Variants in RGS7 observed in about 807,000 individuals in gnomAD.
RGS7 encodes the protein regulator of G protein signaling 7.
RGS7 carries 27 observed loss-of-function variants against 81.1 expected under a neutral mutation model. The observed-to-expected ratio is 0.33, with a 90% CI of 0.25 to 0.46. The LOEUF (loss-of-function observed/expected upper bound fraction) is 0.46, where lower values mean the gene tolerates loss of function less well. Among genes scored for constraint, RGS7 ranks in the 20% least tolerant of loss-of-function variants. The pLI, the probability that RGS7 is intolerant of heterozygous loss-of-function variation, is 1.00. For missense variants in RGS7, 396 were observed against 607.4 expected (o/e 0.65, Z 3.66); for synonymous variants, 208 against 207.7 (o/e 1.00, Z -0.01).
chr1:241,149,410 A>G (rs138966121), intron 2 of RGS7, among the ~76,000 whole-genome samples: 1,725 of 151,710 alleles, frequency 0.011, 40 homozygotes, highest in East Asian at 0.06. Flanking sequence ...ACCCACCTTG[A>G]CCTCCCAAAG....
intron 6 of RGS7, among the ~76,000 whole-genome samples, chr1:240,891,129 A>C (rs777696638): frequency 5.3e-5 from 8 of 152,240 alleles, no homozygotes; most frequent in Non-Finnish European, 8.8e-5. Context: ...TTGAGTAACA[A>C]GTAAGTCATC....
chr1:240,949,288 C>G (rs1463544980), intron 4 of RGS7, among the ~76,000 whole-genome samples: 1 of 151,976 alleles, frequency 6.6e-6, no homozygotes, highest in East Asian at 1.9e-4. Context: ...ATTCTTTGCT[C>G]CATTATTTAC....
chr1:241,075,197 G>A (rs374488741), intron 3 of RGS7, among the ~76,000 whole-genome samples: 7 of 152,112 alleles, frequency 4.6e-5, no homozygotes, highest in Admixed American at 6.5e-5. Context: ...GGGAAAAGTC[G>A]AATATTAAAG....
At chr1:241,267,695 G>A (rs1277069929) in intron 2 of RGS7, among the ~76,000 whole-genome samples, 2 of 151,786 alleles carry the variant, frequency 1.3e-5, no homozygotes, top group African/African-American at 4.8e-5. Flanking sequence ...TTACTCTCCA[G>A]GCAATTTCAA....
intron 3 of RGS7, among the ~76,000 whole-genome samples, chr1:241,039,883 T>C (rs1025226816): frequency 6.6e-6 from 1 of 152,216 alleles, no homozygotes; most frequent in Non-Finnish European, 1.5e-5. Flanking sequence ...GGAAATTACA[T>C]GTTCAATAAA....
At chr1:240,897,684 C>G (rs1669318645) in intron 6 of RGS7, among the ~76,000 whole-genome samples, 1 of 152,064 alleles carries the variant, frequency 6.6e-6, no homozygotes, top group South Asian at 2.1e-4. Flanking sequence ...TTCGGTTTGC[C>G]CGTATTTTAT....
At chr1:241,252,049 C>CTT (rs571408259) in intron 2 of RGS7, among the ~76,000 whole-genome samples, 2 of 143,628 alleles carry the variant, frequency 1.4e-5, no homozygotes, top group African/African-American at 5.1e-5. Context: ...CTTTCTTTTT[C>CTT]TTTTTTTTTT....
At chr1:241,355,263 C>A (rs1049099930) in intron 2 of RGS7, among the ~76,000 whole-genome samples, 1 of 152,216 alleles carries the variant, frequency 6.6e-6, no homozygotes, top group Non-Finnish European at 1.5e-5. Flanking sequence ...TACACAGACA[C>A]AGTCTCTCTT....
chr1:240,855,231 C>T (rs893217222), intron 9 of RGS7, among the ~76,000 whole-genome samples: 2 of 144,180 alleles, frequency 1.4e-5, no homozygotes, highest in African/African-American at 5.2e-5. Flanking sequence ...TTTATTCACT[C>T]GTTTATTTAA....
chr1:241,221,491 T>C (rs1357562167), intron 2 of RGS7, among the ~76,000 whole-genome samples: 1 of 152,196 alleles, frequency 6.6e-6, no homozygotes, highest in Non-Finnish European at 1.5e-5. Context: ...AAATATCACA[T>C]CCAGAGCTGG....
At chr1:240,849,065 C>T (rs770342806) in intron 9 of RGS7, among the ~76,000 whole-genome samples, 10 of 152,216 alleles carry the variant, frequency 6.6e-5, no homozygotes, top group Admixed American at 1.3e-4. Context: ...GCCTCGCTAG[C>T]ATATTTCAAT....
intron 3 of RGS7, among the ~76,000 whole-genome samples, chr1:241,089,063 C>CTCTCTCTCTCTCTATATATATA (rs1374552672): frequency 2.1e-4 from 5 of 23,686 alleles, no homozygotes; most frequent in Admixed American, 4.9e-4. Context: ...CTCTCTCTCT[C>CTCTCTCTCTCTCTATATATATA]TATATATATA....
chr1:240,786,322 T>C (rs1228222916), intron 18 of RGS7, among the ~76,000 whole-genome samples: 2 of 152,342 alleles, frequency 1.3e-5, no homozygotes, highest in Non-Finnish European at 2.9e-5. Flanking sequence ...CATGGTACTA[T>C]GTCATATTCT....
chr1:240,859,440 G>GTTTTTTTTTTTTTTTTTTTTTTTTTCTT (rs5782167), intron 9 of RGS7, among the ~76,000 whole-genome samples: 1 of 110,826 alleles, frequency 9.0e-6, no homozygotes, highest in Admixed American at 9.9e-5. Flanking sequence ...TTTCTTTCCT[G>GTTTTTTTTTTTTTTTTTTTTTTTTTCTT]TTTTTTTTTT....
chr1:241,031,193 C>T (rs746648545), intron 3 of RGS7, among the ~76,000 whole-genome samples: 2 of 152,156 alleles, frequency 1.3e-5, no homozygotes, highest in Non-Finnish European at 2.9e-5. Flanking sequence ...TGTTTTGCTC[C>T]TACTTACAAG....
At chr1:240,955,849 T>C (rs2502435) in intron 4 of RGS7, among the ~76,000 whole-genome samples, 132,325 of 152,130 alleles carry the variant, frequency 0.87, 57,733 homozygotes, top group Admixed American at 0.93. Flanking sequence ...TACACGCAGG[T>C]CTTATTAGTT....
chr1:240,960,017 A>G (rs1276864131), intron 4 of RGS7, among the ~76,000 whole-genome samples: 2 of 151,746 alleles, frequency 1.3e-5, no homozygotes, highest in African/African-American at 4.8e-5. Context: ...AAAATTAGCC[A>G]GGTGTGGTGG....
At chr1:241,306,648 TCA>T (rs1015789455) in intron 2 of RGS7, among the ~76,000 whole-genome samples, 2 of 139,874 alleles carry the variant, frequency 1.4e-5, no homozygotes, top group African/African-American at 5.1e-5. Flanking sequence ...ACGTACCCTT[TCA>T]CACACAAATA....
chr1:240,866,901 C>A (rs1298810402), intron 9 of RGS7, among the ~76,000 whole-genome samples: 1 of 152,008 alleles, frequency 6.6e-6, no homozygotes, highest in East Asian at 1.9e-4. Context: ...CCAGGAGGAT[C>A]CAGGTCATGG....
Sources: gnomAD v4.1 joint callset for allele counts (sites outside exome capture counted in the v4.1 genomes callset) on GRCh38, gnomAD v4.1.1 for gene constraint, MANE v1.5 for transcripts, NCBI Gene and HGNC (gene_info 2026-07-23, HGNC 2026-07-21) for gene names.